Variants in KIF5C observed in about 807,000 individuals in gnomAD.
KIF5C encodes kinesin heavy chain isoform 5C.
A neutral mutation model predicts 125.2 loss-of-function variants in KIF5C; 18 were observed. The ratio of observed to expected loss-of-function variants is 0.14; its 90% confidence interval spans 0.10 to 0.21. The LOEUF (loss-of-function observed/expected upper bound fraction) is 0.21. Among genes scored for constraint, KIF5C ranks in the 10% least tolerant of loss-of-function variants. KIF5C has a pLI of 1.00. For missense variants in KIF5C, 780 were observed against 1,183.8 expected (o/e 0.66, Z 5.01); for synonymous variants, 405 against 434.0 (o/e 0.93, Z 0.83).
intron 15 of KIF5C, among the ~76,000 whole-genome samples, chr2:148,984,256 T>C (rs1350857585): frequency 2.0e-5 from 3 of 152,230 alleles, no homozygotes; most frequent in Non-Finnish European, 2.9e-5. Flanking sequence ...ATCTTGCCAC[T>C]CAGGGTGTGA....
intron 1 of KIF5C, among the ~76,000 whole-genome samples, chr2:148,881,728 C>T (rs1430524263): frequency 1.3e-5 from 2 of 151,252 alleles, no homozygotes; most frequent in Non-Finnish European, 1.5e-5. Context: ...TCTAAATCAT[C>T]GTGGTGATTT....
chr2:148,985,104 T>C (rs759213042), intron 15 of KIF5C, among the ~76,000 whole-genome samples: 1 of 152,052 alleles, frequency 6.6e-6, no homozygotes, highest in African/African-American at 2.4e-5. Context: ...CACCTGGCCA[T>C]TGGTGCTGTT....
chr2:148,906,201 C>T (rs1289989141), intron 1 of KIF5C, among the ~76,000 whole-genome samples: 1 of 152,116 alleles, frequency 6.6e-6, no homozygotes, highest in African/African-American at 2.4e-5. Context: ...GTAAATTCAG[C>T]AAGTACATTT....
intron 25 of KIF5C, among the ~76,000 whole-genome samples, chr2:149,012,746 G>A (rs977627465): frequency 5.9e-5 from 9 of 152,252 alleles, no homozygotes; most frequent in East Asian, 3.8e-4. Context: ...GAGGCAGCCC[G>A]CGGGCGGGCA....
chr2:149,026,450 A>G lies in KIF5C; in HGVS notation c.*3380A>G, dbSNP rs1682687006. Reference sequence around the variant, plus strand: ...GTAGAATTATACATGTCTAGTTTGTAAAGTGTGTCCTGTGTACTGCAGATG... The same window carrying G: ...GTAGAATTATACATGTCTAGTTTGTGAAGTGTGTCCTGTGTACTGCAGATG... On this transcript the variant is annotated 3_prime_UTR_variant, in exon 26 of 26. Coordinates refer to ENST00000435030, the MANE Select transcript of KIF5C (RefSeq NM_004522.3). 6.6e-6 allele frequency: 1 copy of G among 152,298 alleles called. No individual in the cohort carries two copies. The highest frequency in any genetic ancestry group is 6.5e-5 in the Admixed American group (1 of 15,284). The allele number at this position is 152,298 out of a possible 1,614,324, so 9.4% of individuals were successfully genotyped here.
At chr2:148,915,917 A>G (rs1558890614) in intron 1 of KIF5C, among the ~76,000 whole-genome samples, 1 of 152,038 alleles carries the variant, frequency 6.6e-6, no homozygotes, top group Admixed American at 6.5e-5. Flanking sequence ...CTGCACTACC[A>G]CCCCTGGGCA....
intron 1 of KIF5C, among the ~76,000 whole-genome samples, chr2:148,882,731 T>C (rs1681401974): frequency 6.6e-6 from 1 of 152,172 alleles, no homozygotes; most frequent in Non-Finnish European, 1.5e-5. Flanking sequence ...TCTGACACTT[T>C]TTCTGATCAG....
chr2:149,014,294 G>A (rs988866228), intron 25 of KIF5C, among the ~76,000 whole-genome samples: 4 of 152,214 alleles, frequency 2.6e-5, no homozygotes, highest in Admixed American at 2.6e-4. Flanking sequence ...CCAAAGTGCT[G>A]GGATTACAAG....
At chr2:148,937,429 C>T in intron 4 of KIF5C, 41 bp downstream of exon 4, 1 of 1,542,010 alleles carries the variant, frequency 6.5e-7, no homozygotes, top group Middle Eastern at 1.7e-4. Context: ...ACACTGGGCC[C>T]CAGATAACGT....
chr2:149,007,398 T>C (rs1682040919), intron 22 of KIF5C, among the ~76,000 whole-genome samples: 1 of 152,214 alleles, frequency 6.6e-6, no homozygotes, highest in Admixed American at 6.5e-5. Flanking sequence ...CAAGATCTGA[T>C]AAATTTCAAG....
intron 23 of KIF5C, 116 bp downstream of exon 23, chr2:149,008,183 A>G (rs1175678026): frequency 7.7e-7 from 1 of 1,293,886 alleles, no homozygotes; most frequent in African/African-American, 1.5e-5. Flanking sequence ...AAAGAACTGT[A>G]CACTATCAGA....
In KIF5C at chr2:148,950,006, A is replaced by G. The variant is rs564459027; in HGVS notation, c.819+63A>G. 1.4e-4 allele frequency: 224 copies of G among 1,548,758 alleles called. 2 individuals carry two copies. The South Asian group carries it at 2.6e-3, about 18-fold the overall frequency. On this transcript the variant is annotated intron_variant, in intron 9 of 25. Coordinates refer to ENST00000435030, the MANE Select transcript of KIF5C (RefSeq NM_004522.3). Reference sequence around the variant, plus strand: ...GAGAAACCACCTTTTGGGGCCTCATAGTCCCTTTGCCACACACCCCAAAGG... The same window carrying G: ...GAGAAACCACCTTTTGGGGCCTCATGGTCCCTTTGCCACACACCCCAAAGG...
chr2:149,008,111 C>A (rs771261414), intron 23 of KIF5C, 44 bp downstream of exon 23: 3 of 1,561,248 alleles, frequency 1.9e-6, no homozygotes, highest in African/African-American at 2.7e-5. Context: ...CTCCTCTCTC[C>A]TGGAAAGAAG....
chr2:148,987,799 C>A (rs1025255943), intron 15 of KIF5C, among the ~76,000 whole-genome samples: 1 of 152,172 alleles, frequency 6.6e-6, no homozygotes, highest in Non-Finnish European at 1.5e-5. Context: ...ATTGGACTGG[C>A]TGCCTTATTT....
At chr2:148,978,334 GTTTTTTTTTTT>G (rs71406035) in intron 12 of KIF5C, among the ~76,000 whole-genome samples, 2 of 78,658 alleles carry the variant, frequency 2.5e-5, no homozygotes, top group Non-Finnish European at 4.6e-5. Context: ...CTGCCCTGAG[GTTTTTTTTTTT>G]TTTTTTTTTT....
At chr2:148,959,661 C>T (rs76409574) in intron 10 of KIF5C, among the ~76,000 whole-genome samples, 9,695 of 152,184 alleles carry the variant, frequency 0.064, 406 homozygotes, top group Middle Eastern at 0.18. Context: ...TTAGCTACTC[C>T]TCTGGATCTT....
At chr2:148,906,535 C>T (rs1681115138) in intron 1 of KIF5C, among the ~76,000 whole-genome samples, 1 of 151,146 alleles carries the variant, frequency 6.6e-6, no homozygotes, top group South Asian at 2.1e-4. Context: ...GCCTGGGCAA[C>T]ATAGTGAGAA....
At chr2:148,996,235 G>T (rs1296520550) in intron 17 of KIF5C, among the ~76,000 whole-genome samples, 1 of 152,184 alleles carries the variant, frequency 6.6e-6, no homozygotes, top group Non-Finnish European at 1.5e-5. Flanking sequence ...AGTTGGGATT[G>T]GTGATGCTGT....
intron 3 of KIF5C, among the ~76,000 whole-genome samples, chr2:148,930,948 G>A (rs1482589350): frequency 1.3e-5 from 2 of 151,890 alleles, no homozygotes; most frequent in Non-Finnish European, 2.9e-5. Flanking sequence ...CTAGGCCCCC[G>A]ACTCTTGACC....
Sources: allele counts gnomAD v4.1 joint callset (sites outside exome capture counted in the v4.1 genomes callset), GRCh38; gene constraint gnomAD v4.1.1; transcripts MANE v1.5; gene names NCBI Gene and HGNC (gene_info 2026-07-23, HGNC 2026-07-21).